The following USP54 variants were observed in gnomAD, a reference collection of about 807,000 sequenced individuals.
USP54 encodes ubiquitin carboxyl-terminal hydrolase 54.
USP54 carries 87 observed loss-of-function variants against 170.5 expected under a neutral mutation model. That is an observed-to-expected ratio of 0.51 (90% CI 0.43 to 0.61). The LOEUF (loss-of-function observed/expected upper bound fraction) is 0.61, where lower values mean the gene tolerates loss of function less well. Among genes scored for constraint, USP54 ranks in the 20% least tolerant of loss-of-function variants. USP54 has a pLI of 0.00. For synonymous variants in USP54, 655 were observed against 742.8 expected, an observed-to-expected ratio of 0.88 and a Z score of 1.92; for missense variants, 1,786 against 2,047.8, an observed-to-expected ratio of 0.87 and a Z score of 2.47.
chr10:73,624,047 T>G (rs1267324433), intron 1 of USP54, among the ~76,000 whole-genome samples: 3 of 151,616 alleles, frequency 2.0e-5, no homozygotes, highest in Non-Finnish European at 4.4e-5. Flanking sequence ...GCACTTCTAC[T>G]TTAATGTTTA....
intron 21 of USP54, 35 bp downstream of exon 21, chr10:73,505,273 C>T: frequency 6.3e-7 from 1 of 1,592,566 alleles, no homozygotes; most frequent in Non-Finnish European, 8.6e-7. Flanking sequence ...AACACACCAC[C>T]CCAGGCCCAG....
intron 4 of USP54, among the ~76,000 whole-genome samples, chr10:73,558,711 C>T (rs1348635575): frequency 2.0e-5 from 3 of 152,110 alleles, no homozygotes; most frequent in African/African-American, 7.2e-5. Flanking sequence ...TCTGACTTTA[C>T]AGAATTGGCA....
At chr10:73,548,757 A>G (rs1338881370) in intron 4 of USP54, among the ~76,000 whole-genome samples, 1 of 152,180 alleles carries the variant, frequency 6.6e-6, no homozygotes, top group East Asian at 1.9e-4. Context: ...GAGGGATAGC[A>G]TTAGGAGAAA....
At chr10:73,534,570 G>A in intron 12 of USP54, 30 bp downstream of exon 12, 1 of 1,604,668 alleles carries the variant, frequency 6.2e-7, no homozygotes, top group Non-Finnish European at 8.5e-7. Context: ...ATTGATTCAG[G>A]CAAGCAGGAC....
intron 1 of USP54, among the ~76,000 whole-genome samples, chr10:73,617,870 G>A (rs1015045182): frequency 2.0e-5 from 3 of 149,838 alleles, no homozygotes; most frequent in African/African-American, 5.1e-5. Context: ...TGATTGCACT[G>A]CACTCCAGCC....
At chr10:73,554,680 A>G (rs1474059142) in intron 4 of USP54, among the ~76,000 whole-genome samples, 1 of 152,230 alleles carries the variant, frequency 6.6e-6, no homozygotes, top group Admixed American at 6.5e-5. Context: ...CAACTTCAAC[A>G]ATTATCAACC....
intron 4 of USP54, 38 bp from the exon 5 acceptor site, chr10:73,545,710 G>T: frequency 6.2e-7 from 1 of 1,604,852 alleles, no homozygotes; most frequent in Non-Finnish European, 8.5e-7. Flanking sequence ...AAAGTACAAT[G>T]CTGTTATTAA....
At chr10:73,599,033 C>T (rs2078965865) in intron 1 of USP54, among the ~76,000 whole-genome samples, 4 of 152,046 alleles carry the variant, frequency 2.6e-5, no homozygotes, top group Non-Finnish European at 5.9e-5. Context: ...GAGCCGAGAT[C>T]ACGCCACTGC....
intron 1 of USP54, among the ~76,000 whole-genome samples, chr10:73,588,217 T>G (rs541455350): frequency 2.5e-4 from 35 of 141,852 alleles, no homozygotes; most frequent in African/African-American, 7.3e-4. Flanking sequence ...TGTTGTTGTT[T>G]TTTGTTTTTG....
At chr10:73,502,113 A>C (rs570596365) in intron 22 of USP54, among the ~76,000 whole-genome samples, 1 of 152,336 alleles carries the variant, frequency 6.6e-6, no homozygotes, top group Admixed American at 6.5e-5. Context: ...GTAATAATAC[A>C]TTAAATAAAA....
Position 73,517,688 on chromosome 10 carries a change from A to G in USP54, c.2738T>C (p.Met913Thr), listed in dbSNP as rs866314521. Reference protein sequence around the residue: ...LSQEAQLESGMDTEFGASSFF... With the variant: ...LSQEAQLESGTDTEFGASSFF... Reference sequence around the variant, plus strand: ...AGAACTGGCCCCAAACTCTGTATCCATGCCGGATTCCAGTTGGGCCTCTTG... The same window carrying G: ...AGAACTGGCCCCAAACTCTGTATCCGTGCCGGATTCCAGTTGGGCCTCTTG... The change falls in exon 20 of 24, where the codon ATG becomes ACG. Residue 913 changes from methionine (M) to threonine (T), a missense_variant. Met to Thr is a moderately conservative substitution (Grantham distance 81). Around this residue, in one of 3 missense-constraint regions of USP54, gnomAD observed 1,418 missense variants for 1,569.0 expected, o/e 0.90. Coordinates refer to ENST00000687698, the MANE Select transcript of USP54 (RefSeq NM_001391956.1). 1 of 1,614,200 alleles carries G rather than the reference A, an allele frequency of 6.2e-7. No individual in the cohort carries two copies. The highest frequency in any genetic ancestry group is 1.7e-5 in the Admixed American group (1 of 60,014).
At chr10:73,606,029 T>A (rs1423253898) in intron 1 of USP54, among the ~76,000 whole-genome samples, 1 of 151,474 alleles carries the variant, frequency 6.6e-6, no homozygotes, top group Non-Finnish European at 1.5e-5. Flanking sequence ...AATACAAAAA[T>A]TAGCCAGGCG....
In USP54 at chr10:73,523,718, C is replaced by T. The variant is rs911478294; in HGVS notation, c.2227G>A (p.Glu743Lys). The T allele has an allele frequency of 1.2e-6, 2 of 1,613,666 alleles. No homozygotes were observed. The highest frequency in any genetic ancestry group is 1.3e-5 in the African/African-American group (1 of 74,890). Reference sequence around the variant, plus strand: ...CTCCTGGCCACCTCTTCCTGCAATTCATCCAGTTCACTTTTAGAAGATATC... The same window carrying T: ...CTCCTGGCCACCTCTTCCTGCAATTTATCCAGTTCACTTTTAGAAGATATC... ...EEISSKSELD[E>K]LQEEVARRAQ... Residue 743 changes from glutamate (E) to lysine (K), a missense_variant, in exon 17 of 24, where the codon GAA becomes AAA. By Grantham distance (56) the Glu-to-Lys change is moderately conservative. Transcript: ENST00000687698.
At chr10:73,526,606 C>T (rs747597872) in intron 16 of USP54, 41 bp downstream of exon 16, 10 of 1,608,410 alleles carry the variant, frequency 6.2e-6, no homozygotes, top group African/African-American at 4.0e-5. Context: ...ACAAAACTGC[C>T]GGTCAAATCC....
At chr10:73,553,593 A>C (rs912515405) in intron 4 of USP54, among the ~76,000 whole-genome samples, 4 of 152,174 alleles carry the variant, frequency 2.6e-5, no homozygotes, top group African/African-American at 9.7e-5. Flanking sequence ...AGCAGTAAGA[A>C]CAGGTGGCAG....
At position 73,530,142 on chromosome 10, in the gene USP54, C is replaced by G; in HGVS notation, c.1828+1G>C. On this transcript the variant is annotated splice_donor_variant, in intron 14 of 23. Coordinates refer to ENST00000687698, the MANE Select transcript of USP54 (RefSeq NM_001391956.1). LOFTEE classifies it high-confidence loss of function. ...CAATTCTTCCCTAATTATCTCCTCA[C>G]CTGAATCCTCAGAAAAGGGGCTAAG... 6.2e-7 allele frequency: 1 copy of G among 1,607,532 alleles called. No individual in the cohort carries two copies. Among genetic ancestry groups the G allele is most frequent in the Non-Finnish European group, 8.5e-7 (1 of 1,176,928 alleles).
intron 1 of USP54, among the ~76,000 whole-genome samples, chr10:73,601,127 G>A (rs1466571952): frequency 1.3e-5 from 2 of 152,040 alleles, no homozygotes; most frequent in South Asian, 2.1e-4. Flanking sequence ...GAAAGTTTGG[G>A]TAAATTAAAA....
intron 12 of USP54, among the ~76,000 whole-genome samples, chr10:73,531,066 G>A (rs1384859228): frequency 6.6e-6 from 1 of 152,112 alleles, no homozygotes; most frequent in Non-Finnish European, 1.5e-5. Context: ...GGGAGGCTAA[G>A]GCGGGCAGAT....
chr10:73,580,158 T>C (rs1589277372), intron 1 of USP54, among the ~76,000 whole-genome samples: 2 of 151,682 alleles, frequency 1.3e-5, no homozygotes, highest in East Asian at 3.9e-4. Context: ...ACCCTGTCTC[T>C]ACTAAAAATA....
Sources: allele counts gnomAD v4.1 joint callset (sites outside exome capture counted in the v4.1 genomes callset), GRCh38; gene constraint gnomAD v4.1.1; regional missense constraint gnomAD v4.1.1; transcripts MANE v1.5; gene names NCBI Gene and HGNC (gene_info 2026-07-23, HGNC 2026-07-21).